EFCAB6: variants seen among roughly 807,000 people sequenced by gnomAD.
EFCAB6 encodes EF-hand calcium binding domain 6, also known as EF-hand calcium-binding domain-containing protein 6.
A neutral mutation model predicts 169.8 loss-of-function variants in EFCAB6; 156 were observed. The ratio of observed to expected loss-of-function variants is 0.92; its 90% CI spans 0.81 to 1.05. The LOEUF is 1.05. EFCAB6 is among the 50% of genes least tolerant of loss of function. The pLI is 0.00. For synonymous variants in EFCAB6, 698 were observed against 676.4 expected (o/e 1.03, Z -0.50); for missense variants, 1,800 against 1,829.1 (o/e 0.98, Z 0.29).
chr22:43,767,210 T>C (rs1455602196), intron 4 of EFCAB6, among the ~76,000 whole-genome samples: 2 of 152,178 alleles, frequency 1.3e-5, no homozygotes, highest in Non-Finnish European at 2.9e-5. Context: ...AAGCCTGGCA[T>C]GGTTATTGCA....
intron 27 of EFCAB6, among the ~76,000 whole-genome samples, chr22:43,541,327 T>C (rs1268967219): frequency 6.6e-6 from 1 of 152,178 alleles, no homozygotes; most frequent in Non-Finnish European, 1.5e-5. Flanking sequence ...AAGTCGGGGT[T>C]GGGGGGTGCA....
intron 6 of EFCAB6, among the ~76,000 whole-genome samples, chr22:43,746,174 C>A (rs763454826): frequency 3.3e-5 from 5 of 152,220 alleles, no homozygotes; most frequent in Non-Finnish European, 5.9e-5. Context: ...GCCTCGCCTC[C>A]CTGCCTCTGG....
intron 23 of EFCAB6, among the ~76,000 whole-genome samples, chr22:43,598,066 C>G (rs762796575): frequency 6.6e-6 from 1 of 152,038 alleles, no homozygotes; most frequent in Non-Finnish European, 1.5e-5. Flanking sequence ...AAGACCAGCC[C>G]TTTAGGAGGC....
At chr22:43,682,697 G>A (rs1482445483) in intron 12 of EFCAB6, among the ~76,000 whole-genome samples, 1 of 152,142 alleles carries the variant, frequency 6.6e-6, no homozygotes, top group African/African-American at 2.4e-5. Flanking sequence ...GTCAGATGGA[G>A]ATCATAATCA....
At chr22:43,542,562 AG>A (rs2047797647) in intron 27 of EFCAB6, among the ~76,000 whole-genome samples, 1 of 152,164 alleles carries the variant, frequency 6.6e-6, no homozygotes, top group South Asian at 2.1e-4. Context: ...CCTGGGCAAA[AG>A]AGCAAGACTC....
chr22:43,580,325 A>T, intron 25 of EFCAB6, 139 bp downstream of exon 25: 1 of 817,584 alleles, frequency 1.2e-6, no homozygotes, highest in Non-Finnish European at 1.9e-6. Context: ...ACAACTACCC[A>T]CATAAAAACT....
In EFCAB6 at chr22:43,605,911, T is replaced by C. The variant is rs534485661; in HGVS notation, c.2681+2571A>G. Among the ~76,000 whole-genome samples, 5 of 152,308 alleles carry C rather than the reference T, an allele frequency of 3.3e-5. No individual in the cohort carries two copies. The South Asian group carries it at 8.3e-4, about 25-fold the overall frequency. On this transcript the variant is annotated intron_variant, in intron 22 of 31. Transcript: ENST00000262726. ...AATACTTTCCAGGAAGTAGCTCATC[T>C]AATGAAGTGAAATAAAAATGATAGG...
chr22:43,736,023 CA>C, intron 6 of EFCAB6, 30 bp from the exon 7 acceptor site: 1 of 1,582,506 alleles, frequency 6.3e-7, no homozygotes, highest in Non-Finnish European at 8.6e-7. Context: ...TAGGAAAAGT[CA>C]AAAGATCTAG....
intron 13 of EFCAB6, among the ~76,000 whole-genome samples, chr22:43,676,459 C>CA (rs894571684): frequency 1.0e-4 from 15 of 145,502 alleles, no homozygotes; most frequent in East Asian, 2.0e-4. Flanking sequence ...ACCATGTAAA[C>CA]AAAAAAATGT....
At chr22:43,558,534 A>T (rs2048840824) in intron 26 of EFCAB6, among the ~76,000 whole-genome samples, 1 of 152,190 alleles carries the variant, frequency 6.6e-6, no homozygotes, top group Non-Finnish European at 1.5e-5. Context: ...GTATGTGCTC[A>T]TATCATGTCT....
chr22:43,731,734 T>C lies in EFCAB6; in HGVS notation c.722A>G (p.Asn241Ser), dbSNP rs768721041. Residue 241 changes from asparagine (N) to serine (S), a missense_variant, in exon 8 of 32, where the codon AAC (asparagine) becomes AGC (serine). Coordinates refer to ENST00000262726, the MANE Select transcript of EFCAB6 (RefSeq NM_022785.4). ...NVFLKNLSINNDLNLRYCMGN... is the reference protein window; with the variant it reads ...NVFLKNLSINSDLNLRYCMGN... ...CATACAATATCTAAGGTTCAAGTCG[T>C]TATTTATGCTGAGATTCTTCAAAAA... The C allele has an allele frequency of 3.7e-6, 6 of 1,602,588 alleles. No individual in the cohort carries two copies. Among genetic ancestry groups the C allele is most frequent in the Admixed American group, 3.5e-5 (2 of 57,662 alleles).
Position 43,632,237 on chromosome 22 carries a change from A to T in EFCAB6, c.2100T>A (p.Asp700Glu). The T allele has an allele frequency of 6.3e-7, 1 of 1,596,390 alleles. No individual in the cohort carries two copies. The highest frequency in any genetic ancestry group is 8.5e-7 in the Non-Finnish European group (1 of 1,170,016). The change falls in exon 19 of 32, where the codon GAT becomes GAA. Residue 700 changes from aspartate (D) to glutamate (E), a missense_variant and splice_region_variant. By Grantham distance (45) the Asp-to-Glu change is conservative. Transcript: ENST00000262726. ...SYLDFAAGFE[D>E]PPMRGPETTP... ...TGGTTTCCGGCCCTCTCATTGGAGG[A>T]TCTGGAACAATTACAAAGATCGGGG...
intron 2 of EFCAB6, chr22:43,802,484 T>C: frequency 3.3e-6 from 1 of 298,720 alleles, no homozygotes; most frequent in Non-Finnish European, 6.5e-6. Context: ...TGAGCCTAGA[T>C]CATGCCACTG....
chr22:43,577,002 C>T (rs1174345016), intron 25 of EFCAB6, among the ~76,000 whole-genome samples: 1 of 152,096 alleles, frequency 6.6e-6, no homozygotes, highest in Non-Finnish European at 1.5e-5. Context: ...ATCAGGGGAC[C>T]ACCCTGACCC....
intron 2 of EFCAB6, among the ~76,000 whole-genome samples, chr22:43,806,933 T>C (rs1167460892): frequency 6.6e-6 from 1 of 152,240 alleles, no homozygotes; most frequent in African/African-American, 2.4e-5. Context: ...ATCACTTTGC[T>C]GTGGGGCTGC....
intron 21 of EFCAB6, among the ~76,000 whole-genome samples, chr22:43,613,253 C>T (rs2053452512): frequency 6.7e-6 from 1 of 148,862 alleles, no homozygotes; most frequent in Non-Finnish European, 1.5e-5. Context: ...TATATTTATA[C>T]AGCAAATATA....
At chr22:43,573,561 T>C (rs1187387200) in intron 26 of EFCAB6, among the ~76,000 whole-genome samples, 1 of 151,908 alleles carries the variant, frequency 6.6e-6, no homozygotes, top group African/African-American at 2.4e-5. Flanking sequence ...AGAAACCCCA[T>C]CTCTACTAAA....
chr22:43,589,507 G>A (rs1029251030), intron 24 of EFCAB6, among the ~76,000 whole-genome samples: 1 of 152,122 alleles, frequency 6.6e-6, no homozygotes, highest in African/African-American at 2.4e-5. Context: ...ATTAATGTTG[G>A]CTGGGCGCAG....
At chr22:43,711,770 A>C in intron 9 of EFCAB6, 147 bp from the exon 10 acceptor site, 1 of 907,680 alleles carries the variant, frequency 1.1e-6, no homozygotes, top group Non-Finnish European at 1.5e-6. Flanking sequence ...CTGAACTTCA[A>C]ATGTTTAATT....
Sources: gnomAD v4.1 joint callset for allele counts (sites outside exome capture counted in the v4.1 genomes callset) on GRCh38, gnomAD v4.1.1 for gene constraint, MANE v1.5 for transcripts, NCBI Gene and HGNC (gene_info 2026-07-23, HGNC 2026-07-21) for gene names.